Variants in TANC2 observed in about 807,000 individuals in gnomAD.
TANC2 encodes protein TANC2.
A neutral mutation model predicts 210.5 loss-of-function variants in TANC2; 26 were observed. The observed-to-expected ratio is 0.12, with a 90% CI of 0.09 to 0.17. The LOEUF is 0.17. Ranked by LOEUF, TANC2 falls within the 10% of genes least tolerant of loss-of-function variation. TANC2 has a pLI of 1.00. For synonymous variants in TANC2, 931 were observed against 967.1 expected (o/e 0.96, Z 0.69); for missense variants, 2,129 against 2,608.9 (o/e 0.82, Z 4.01).
intron 2 of TANC2, among the ~76,000 whole-genome samples, chr17:63,039,133 A>G (rs79927813): frequency 3.9e-3 from 598 of 152,294 alleles, no homozygotes; most frequent in Middle Eastern, 6.8e-3. Context: ...ATGGTATGTA[A>G]AAAATTACTT....
chr17:63,011,621 G>A (rs956047521), intron 2 of TANC2, among the ~76,000 whole-genome samples: 4 of 152,040 alleles, frequency 2.6e-5, no homozygotes, highest in African/African-American at 9.7e-5. Flanking sequence ...TTCGAGTTTA[G>A]GATTGTTACA....
At chr17:63,159,544 A>G (rs1288420994) in intron 5 of TANC2, among the ~76,000 whole-genome samples, 5 of 152,316 alleles carry the variant, frequency 3.3e-5, no homozygotes, top group Non-Finnish European at 7.3e-5. Context: ...CACAGGTTCT[A>G]CAGCCATAGG....
intron 4 of TANC2, among the ~76,000 whole-genome samples, chr17:63,139,216 A>G (rs2039199564): frequency 6.6e-6 from 1 of 152,204 alleles, no homozygotes; most frequent in African/African-American, 2.4e-5. Flanking sequence ...TCATGACTGT[A>G]ATGCCACTTG....
At chr17:63,367,459 A>G (rs1365574405) in intron 14 of TANC2, among the ~76,000 whole-genome samples, 4 of 152,208 alleles carry the variant, frequency 2.6e-5, no homozygotes, top group African/African-American at 9.6e-5. Context: ...TGTGTGGCTC[A>G]AAACAATTCT....
intron 4 of TANC2, among the ~76,000 whole-genome samples, chr17:63,130,613 TGTTA>T (rs998380279): frequency 1.3e-5 from 2 of 152,244 alleles, no homozygotes; most frequent in African/African-American, 4.8e-5. Flanking sequence ...TCACTTTATC[TGTTA>T]GTTTACTGCA....
chr17:63,147,084 C>A (rs920266947), intron 4 of TANC2, among the ~76,000 whole-genome samples: 8 of 152,064 alleles, frequency 5.3e-5, no homozygotes, highest in Admixed American at 4.6e-4. Flanking sequence ...GTAATCCCAG[C>A]ACTTTGGGAG....
intron 19 of TANC2, among the ~76,000 whole-genome samples, chr17:63,403,541 A>G (rs571762318): frequency 6.6e-6 from 1 of 152,330 alleles, no homozygotes; most frequent in Admixed American, 6.5e-5. Context: ...TTAAAAAACA[A>G]GAGATAAAAC....
At chr17:63,255,736 A>C (rs1403763810) in intron 8 of TANC2, among the ~76,000 whole-genome samples, 1 of 151,640 alleles carries the variant, frequency 6.6e-6, no homozygotes, top group East Asian at 1.9e-4. Flanking sequence ...TGTCAATTTT[A>C]TCTTCTCCAA....
At chr17:63,357,488 A>T (rs1478420583) in intron 14 of TANC2, among the ~76,000 whole-genome samples, 8 of 152,252 alleles carry the variant, frequency 5.3e-5, no homozygotes, top group Admixed American at 5.2e-4. Context: ...CCGTTCCCTG[A>T]TGATTGAATA....
chr17:63,160,789 C>G (rs1012624961), intron 5 of TANC2, among the ~76,000 whole-genome samples: 1 of 152,104 alleles, frequency 6.6e-6, no homozygotes, highest in African/African-American at 2.4e-5. Context: ...GAACTTTCAC[C>G]AATACTACAT....
chr17:63,427,222 T>C (rs910012979), exon 28 of TANC2: 8 of 152,262 alleles, frequency 5.3e-5, no homozygotes, highest in African/African-American at 1.9e-4. Flanking sequence ...TCCAAGATGA[T>C]TTTAATTAGT....
At chr17:63,331,725 C>T (rs539329806) in intron 11 of TANC2, among the ~76,000 whole-genome samples, 10 of 152,162 alleles carry the variant, frequency 6.6e-5, no homozygotes, top group East Asian at 1.9e-4. Flanking sequence ...CTATTTCATA[C>T]GTAGACAATC....
At chr17:63,283,849 T>C (rs1277230340) in intron 9 of TANC2, among the ~76,000 whole-genome samples, 3 of 152,042 alleles carry the variant, frequency 2.0e-5, no homozygotes, top group African/African-American at 7.2e-5. Context: ...AAAACCTTGC[T>C]AAACTCACTT....
At chr17:63,406,303 C>G (rs753235867) in intron 21 of TANC2, 26 bp downstream of exon 21, 1 of 1,608,740 alleles carries the variant, frequency 6.2e-7, no homozygotes, top group South Asian at 1.1e-5. Context: ...CTAGAGCTGG[C>G]TGGCCAGTTT....
chr17:63,235,375 G>A (rs1258908228), intron 7 of TANC2, among the ~76,000 whole-genome samples: 2 of 151,802 alleles, frequency 1.3e-5, no homozygotes, highest in Non-Finnish European at 1.5e-5. Context: ...TAATAAATAC[G>A]GGAACTTATC....
At chr17:63,103,274 C>T (rs1444120140) in intron 4 of TANC2, among the ~76,000 whole-genome samples, 3 of 152,156 alleles carry the variant, frequency 2.0e-5, no homozygotes, top group East Asian at 1.9e-4. Flanking sequence ...TCTTCCATGC[C>T]GGTGTATATA....
intron 5 of TANC2, among the ~76,000 whole-genome samples, chr17:63,163,529 G>A (rs1004997249): frequency 1.3e-5 from 2 of 152,188 alleles, no homozygotes; most frequent in Non-Finnish European, 2.9e-5. Flanking sequence ...AGGATTTTAA[G>A]CTGGAGTGTT....
chr17:63,073,898 C>A, intron 2 of TANC2, 45 bp from the exon 3 acceptor site: 1 of 1,474,802 alleles, frequency 6.8e-7, no homozygotes, highest in Non-Finnish European at 9.3e-7. Context: ...ACTGTTATGT[C>A]AATCTCATTA....
At chr17:63,053,730 C>T (rs2035666146) in intron 2 of TANC2, among the ~76,000 whole-genome samples, 1 of 152,178 alleles carries the variant, frequency 6.6e-6, no homozygotes, top group Admixed American at 6.5e-5. Context: ...CGCATAGTCT[C>T]CTCATCCCCA....
Sources: allele counts gnomAD v4.1 joint callset (sites outside exome capture counted in the v4.1 genomes callset), GRCh38; gene constraint gnomAD v4.1.1; transcripts MANE v1.5; gene names NCBI Gene and HGNC (gene_info 2026-07-23, HGNC 2026-07-21).